The following PLA2G2C variants were observed in gnomAD, a reference collection of about 807,000 sequenced individuals.
PLA2G2C encodes putative inactive group IIC secretory phospholipase A2.
A neutral mutation model predicts 14.3 loss-of-function variants in PLA2G2C; 15 were observed. The observed-to-expected ratio is 1.05, with a 90% confidence interval of 0.70 to 1.62. The LOEUF is 1.62. Ranked by LOEUF, PLA2G2C falls within the 40% of genes most tolerant of loss-of-function variation. The probability of loss-of-function intolerance (pLI) is 0.00; values close to 1 mark genes in which losing one functional copy is unlikely to be tolerated. For missense variants in PLA2G2C, 162 were observed against 173.2 expected (o/e 0.94, Z 0.36); for synonymous variants, 79 against 67.7 (o/e 1.17, Z -0.82).
At chr1:20,172,429 A>G (rs2018100224) in intron 4 of PLA2G2C, among the ~76,000 whole-genome samples, 1 of 152,188 alleles carries the variant, frequency 6.6e-6, no homozygotes, top group Non-Finnish European at 1.5e-5. Context: ...GTCCAACTGG[A>G]AGACAGCTGA....
chr1:20,168,745 G>A (rs971394252), intron 4 of PLA2G2C, among the ~76,000 whole-genome samples: 2 of 152,214 alleles, frequency 1.3e-5, no homozygotes, highest in Non-Finnish European at 2.9e-5. Context: ...CTCCCACACC[G>A]GGTCCTCCCT....
In PLA2G2C at chr1:20,163,854, T is replaced by G; in HGVS notation, c.*137A>C. On this transcript the variant is annotated 3_prime_UTR_variant, in exon 5 of 5. Transcript: ENST00000679259. ...TCCCCTTGGTCAGAATGCTGAAGGG[T>G]GAGCTGCCCTGCGGGAGACATTTTG... is the stretch of plus-strand genomic sequence containing the variant. 1.0e-6 allele frequency: 1 copy of G among 974,364 alleles called. No individual in the cohort carries two copies. Among genetic ancestry groups the G allele is most frequent in the Non-Finnish European group, 1.5e-6 (1 of 679,000 alleles). The allele number at this position is 974,364 out of a possible 1,614,324, so 60.4% of individuals were successfully genotyped here.
chr1:20,171,800 G>C (rs1283270826), intron 4 of PLA2G2C, among the ~76,000 whole-genome samples: 6 of 137,622 alleles, frequency 4.4e-5, no homozygotes, highest in Non-Finnish European at 7.7e-5. Flanking sequence ...CTCGCTCTGT[G>C]GCCCAGGCGG....
intron 1 of PLA2G2C, among the ~76,000 whole-genome samples, chr1:20,180,176 C>T (rs978090798): frequency 2.0e-5 from 3 of 152,186 alleles, no homozygotes; most frequent in African/African-American, 4.8e-5. Context: ...TGCTCACTTC[C>T]CTACAGCTGT....
In PLA2G2C at chr1:20,175,132, G is replaced by T; in HGVS notation, c.54C>A (p.Ser18Arg). Residue 18 changes from serine (S) to arginine (R), a missense_variant, in exon 3 of 5, where the codon AGC (serine) becomes AGA (arginine). Ser to Arg is a moderately radical substitution (Grantham distance 110). Transcript: ENST00000679259. Reference sequence around the variant, plus strand: ...CCCTCCTCTGAAACTGCCAGAAACTGCTGTGGGTGGGGGCTGCCACCACCG... The same window carrying T: ...CCCTCCTCTGAAACTGCCAGAAACTTCTGTGGGTGGGGGCTGCCACCACCG... ...TLLLFCSPTH[S>R]SFWQFQRRVK... 4.3e-6 allele frequency: 7 copies of T among 1,613,944 alleles called. No homozygotes were observed. The highest frequency in any genetic ancestry group is 4.0e-5 in the African/African-American group (3 of 75,018).
At chr1:20,171,750 C>T (rs2018077952) in intron 4 of PLA2G2C, among the ~76,000 whole-genome samples, 1 of 150,954 alleles carries the variant, frequency 6.6e-6, no homozygotes, top group African/African-American at 2.4e-5. Context: ...TATAAGAAGC[C>T]ACTTCTTCTT....
chr1:20,172,697 C>G, intron 4 of PLA2G2C, 97 bp downstream of exon 4: 8 of 1,052,360 alleles, frequency 7.6e-6, no homozygotes, highest in Non-Finnish European at 1.1e-5. Context: ...CACTTGGAAG[C>G]ATTTCATTTT....
chr1:20,179,054 GAGA>G (rs561898705), intron 1 of PLA2G2C, among the ~76,000 whole-genome samples: 125 of 152,376 alleles, frequency 8.2e-4, no homozygotes, highest in African/African-American at 2.7e-3. Context: ...GGGAAGACAG[GAGA>G]AGGAGTCTCT....
intron 1 of PLA2G2C, among the ~76,000 whole-genome samples, chr1:20,182,827 G>A (rs896520671): frequency 1.3e-5 from 2 of 152,194 alleles, no homozygotes; most frequent in South Asian, 2.1e-4. Flanking sequence ...TTCAAAATGG[G>A]GCCAAACACT....
At chr1:20,177,091 G>A (rs1043440266) in intron 2 of PLA2G2C, among the ~76,000 whole-genome samples, 2 of 152,170 alleles carry the variant, frequency 1.3e-5, no homozygotes, top group Non-Finnish European at 2.9e-5. Context: ...TCTAGCAAAT[G>A]GTTGGCAACC....
At position 20,175,203 on chromosome 1, in the gene PLA2G2C, C is replaced by A. The variant is rs901576623; in HGVS notation, c.41-58G>T. 3 of 1,612,434 alleles carry A rather than the reference C, an allele frequency of 1.9e-6. No individual in the cohort carries two copies. The African/African-American group carries it at 4.0e-5, about 22-fold the overall frequency. On this transcript the variant is annotated intron_variant, in intron 2 of 4. Coordinates refer to ENST00000679259, the MANE Select transcript of PLA2G2C (RefSeq NM_001367969.2). Reference sequence around the variant, plus strand: ...GAAGTTGCAATGAGCATGATGCTGCCTTGATGTCCCCTCCCCTTACTAGAG... The same window carrying A: ...GAAGTTGCAATGAGCATGATGCTGCATTGATGTCCCCTCCCCTTACTAGAG...
chr1:20,185,818 G>A (rs566727175), intron 1 of PLA2G2C, among the ~76,000 whole-genome samples: 7 of 152,290 alleles, frequency 4.6e-5, no homozygotes, highest in African/African-American at 1.4e-4. Context: ...TCCATGCCCC[G>A]GCCAGGGCTC....
intron 4 of PLA2G2C, among the ~76,000 whole-genome samples, chr1:20,168,817 C>T (rs2018021896): frequency 6.6e-6 from 1 of 152,060 alleles, no homozygotes; most frequent in African/African-American, 2.4e-5. Context: ...GCTTAAAGTC[C>T]CTTGCAAAAA....
At chr1:20,183,830 G>A (rs2018316750) in intron 1 of PLA2G2C, among the ~76,000 whole-genome samples, 1 of 152,234 alleles carries the variant, frequency 6.6e-6, no homozygotes, top group Non-Finnish European at 1.5e-5. Context: ...GCAGCCCAGG[G>A]AGAGAGCTGG....
chr1:20,185,221 A>T (rs779729992), intron 1 of PLA2G2C, among the ~76,000 whole-genome samples: 2 of 152,156 alleles, frequency 1.3e-5, no homozygotes, highest in Non-Finnish European at 2.9e-5. Flanking sequence ...TGAGAGTCTA[A>T]CTGAGGTTAG....
At chr1:20,175,182 T>C (rs775225722) in intron 2 of PLA2G2C, 37 bp from the exon 3 acceptor site, 8 of 1,613,538 alleles carry the variant, frequency 5.0e-6, no homozygotes, top group South Asian at 1.1e-5. Context: ...AAGAAGGAAG[T>C]TGCAATGAGC....
chr1:20,165,770 ATGTGCGTGCGCATGTG>A (rs928784421), intron 4 of PLA2G2C, among the ~76,000 whole-genome samples: 1 of 151,632 alleles, frequency 6.6e-6, no homozygotes, highest in Non-Finnish European at 1.5e-5. Flanking sequence ...ATGTGTGTGT[ATGTGCGTGCGCATGTG>A]TGTGCGTGCA....
chr1:20,177,376 C>T lies in PLA2G2C; in HGVS notation c.-13G>A, dbSNP rs1557788809. ...CAATGACCTTCATTCCTGAGGAGAC[C>T]AGGGGGTCTGAGGTTCTACAGCCAC... is the stretch of plus-strand genomic sequence containing the variant. On this transcript the variant is annotated 5_prime_UTR_variant, in exon 2 of 5. An upstream open reading frame in the 5' UTR gains an earlier in-frame stop. Transcript: ENST00000679259. 1.4e-6 allele frequency: 1 copy of T among 694,768 alleles called. No individual in the cohort carries two copies. The highest frequency in any genetic ancestry group is 2.1e-5 in the Admixed American group (1 of 48,700). The allele number at this position is 694,768 out of a possible 1,614,324, so 43.0% of individuals were successfully genotyped here. A position where few individuals can be genotyped will look rare whatever the true frequency, so the allele number is the denominator to read the frequency against.
In PLA2G2C at chr1:20,164,124, T is replaced by A; in HGVS notation, c.317A>T (p.His106Leu). The change falls in exon 5 of 5, where the codon CAC becomes CTC. Residue 106 changes from histidine (H) to leucine (L), a missense_variant. Physicochemically the swap from His to Leu is moderately conservative, Grantham distance 99 (BLOSUM62 -3). Transcript: ENST00000679259. ...GCTLGPGASC[H>L]CRLKACECDK... ...ACACTCACAGGCCTTCAGCCTGCAG[T>A]GGCAGCTGGCACCAGGACCAAGGGT... 6.2e-7 allele frequency: 1 copy of A among 1,613,644 alleles called. No individual in the cohort carries two copies. The highest frequency in any genetic ancestry group is 8.5e-7 in the Non-Finnish European group (1 of 1,179,840).
Sources: gnomAD v4.1 joint callset for allele counts (sites outside exome capture counted in the v4.1 genomes callset) on GRCh38, gnomAD v4.1.1 for gene constraint, MANE v1.5 for transcripts, NCBI Gene and HGNC (gene_info 2026-07-23, HGNC 2026-07-21) for gene names.